Variants in CDH23 observed in about 807,000 individuals in gnomAD.
CDH23 encodes cadherin related 23, also known as cadherin-23.
In CDH23, 189 loss-of-function variants were observed where a neutral mutation model predicts 317.1. That is an observed-to-expected ratio of 0.60 (90% confidence interval 0.53 to 0.67). The LOEUF is 0.67. Among genes scored for constraint, CDH23 ranks in the 30% least tolerant of loss-of-function variants. CDH23 has a pLI of 0.00. For synonymous variants in CDH23, 1,839 were observed against 1,876.8 expected (o/e 0.98, Z 0.52); for missense variants, 4,401 against 4,592.4 (o/e 0.96, Z 1.20).
At chr10:71,489,993 AG>A (rs934249272) in intron 3 of CDH23, among the ~76,000 whole-genome samples, 5 of 151,598 alleles carry the variant, frequency 3.3e-5, no homozygotes, top group Non-Finnish European at 5.9e-5. Context: ...TCTGACAATA[AG>A]GGGGAGGTTC....
At chr10:71,614,725 G>A (rs1861090912) in intron 9 of CDH23, among the ~76,000 whole-genome samples, 2 of 152,168 alleles carry the variant, frequency 1.3e-5, no homozygotes, top group South Asian at 4.1e-4. Context: ...AGAGGATGAG[G>A]ACAAGAGAGA....
rs758181864 is a variant in CDH23, at chr10:71,734,315, G to A, written c.4180G>A (p.Gly1394Ser). ...TACCTTGACAGTGGTGGCAGATGAC[G>A]GCGGCCCCAAGGTGGACTCCACCGT... The part of the protein sequence containing the change: ...FYTLTVVADD[G>S]GPKVDSTVKV... The change falls in exon 33 of 70, where the codon GGC (glycine) becomes AGC (serine). Residue 1394 changes from glycine (G) to serine (S), a missense_variant. Gly to Ser is a moderately conservative substitution (Grantham distance 56). Transcript: ENST00000224721. The A allele has an allele frequency of 6.5e-5, 104 of 1,611,148 alleles. No homozygotes were observed. Among genetic ancestry groups the A allele is most frequent in the South Asian group, 8.8e-5 (8 of 90,430 alleles).
At chr10:71,681,320 G>A (rs547932726) in intron 17 of CDH23, among the ~76,000 whole-genome samples, 6 of 152,178 alleles carry the variant, frequency 3.9e-5, no homozygotes, top group Admixed American at 1.3e-4. Flanking sequence ...CCACTCCCAA[G>A]CCAATATACC....
intron 6 of CDH23, among the ~76,000 whole-genome samples, chr10:71,550,576 AAG>A (rs1364429779): frequency 5.7e-4 from 64 of 112,890 alleles, no homozygotes; most frequent in Middle Eastern, 4.5e-3. Flanking sequence ...AAAAAAAAAA[AAG>A]AAAAAAGAAA....
chr10:71,606,262 C>T (rs1379301014), intron 9 of CDH23, among the ~76,000 whole-genome samples: 2 of 152,242 alleles, frequency 1.3e-5, no homozygotes, highest in East Asian at 1.9e-4. Context: ...CTGCCGTTCA[C>T]ACCTACTTGA....
chr10:71,703,289 C>T (rs928327435), intron 24 of CDH23, among the ~76,000 whole-genome samples: 15 of 152,306 alleles, frequency 9.8e-5, no homozygotes, highest in African/African-American at 3.1e-4. Context: ...CTCTGCCCTC[C>T]GGGGGCCATT....
chr10:71,606,270 T>G (rs1160674629), intron 9 of CDH23, among the ~76,000 whole-genome samples: 2 of 152,226 alleles, frequency 1.3e-5, no homozygotes, highest in Non-Finnish European at 2.9e-5. Flanking sequence ...CACACCTACT[T>G]GAGGGACTGG....
At chr10:71,520,135 G>C (rs1457364692) in intron 6 of CDH23, among the ~76,000 whole-genome samples, 1 of 152,158 alleles carries the variant, frequency 6.6e-6, no homozygotes, top group Non-Finnish European at 1.5e-5. Context: ...GTTATGAAAA[G>C]CTTTGAGAAC....
intron 6 of CDH23, among the ~76,000 whole-genome samples, chr10:71,529,354 G>T (rs184403743): frequency 6.6e-6 from 1 of 152,144 alleles, no homozygotes; most frequent in Non-Finnish European, 1.5e-5. Context: ...GAGCAGGGCC[G>T]CCCTCTGGGG....
intron 60 of CDH23, among the ~76,000 whole-genome samples, chr10:71,809,009 A>T (rs916456792): frequency 6.6e-6 from 1 of 152,044 alleles, no homozygotes; most frequent in Admixed American, 6.6e-5. Flanking sequence ...CACTGCTCTT[A>T]TTTTAATAAA....
chr10:71,732,674 G>T, intron 32 of CDH23: 1 of 1,356,492 alleles, frequency 7.4e-7, no homozygotes, highest in South Asian at 1.8e-5. Flanking sequence ...CAATATCCCT[G>T]TAACACATCC....
intron 6 of CDH23, among the ~76,000 whole-genome samples, chr10:71,533,566 CA>C (rs1564637135): frequency 0.018 from 2,104 of 118,344 alleles, 23 homozygotes; most frequent in Middle Eastern, 0.041. Context: ...CACACACACA[CA>C]CACTGGCTGG....
chr10:71,775,728 T>C (rs941344960), intron 38 of CDH23, among the ~76,000 whole-genome samples: 7 of 152,070 alleles, frequency 4.6e-5, no homozygotes, highest in African/African-American at 7.2e-5. Flanking sequence ...GTTCAAACTC[T>C]CCACTCCCAG....
At chr10:71,714,292 G>T (rs1168523573) in intron 28 of CDH23, 1 of 152,100 alleles carries the variant, frequency 6.6e-6, no homozygotes, top group African/African-American at 2.4e-5. Flanking sequence ...GCCTCAGAGG[G>T]TGGGGACACA....
At chr10:71,473,199 T>A (rs1216513105) in intron 3 of CDH23, among the ~76,000 whole-genome samples, 1 of 152,008 alleles carries the variant, frequency 6.6e-6, no homozygotes, top group East Asian at 1.9e-4. Context: ...GCTCCCGGAG[T>A]CTTCCCTACT....
intron 9 of CDH23, among the ~76,000 whole-genome samples, chr10:71,581,378 C>G (rs951302376): frequency 2.0e-5 from 3 of 152,198 alleles, no homozygotes; most frequent in Non-Finnish European, 4.4e-5. Context: ...CTGGTGGTGG[C>G]TCTGTCTGCA....
chr10:71,544,995 C>T (rs1442077283), intron 6 of CDH23, among the ~76,000 whole-genome samples: 1 of 152,122 alleles, frequency 6.6e-6, no homozygotes, highest in Non-Finnish European at 1.5e-5. Flanking sequence ...CAGAGTCAGT[C>T]CCCGACCCCA....
chr10:71,793,885 C>T (rs1342474461), intron 48 of CDH23, among the ~76,000 whole-genome samples: 1 of 152,206 alleles, frequency 6.6e-6, no homozygotes, highest in East Asian at 1.9e-4. Context: ...CTCGCCCTAC[C>T]AGTGTATGAG....
intron 66 of CDH23, 184 bp downstream of exon 66, chr10:71,812,199 C>T (rs1189684638): frequency 3.8e-6 from 6 of 1,585,732 alleles, no homozygotes; most frequent in Non-Finnish European, 5.1e-6. Flanking sequence ...GACAGGGGCT[C>T]TCCACCCCAG....
Sources: gnomAD v4.1 joint callset for allele counts (sites outside exome capture counted in the v4.1 genomes callset) on GRCh38, gnomAD v4.1.1 for gene constraint, MANE v1.5 for transcripts, NCBI Gene and HGNC (gene_info 2026-07-23, HGNC 2026-07-21) for gene names.